PTPRT: variants seen among roughly 807,000 people sequenced by gnomAD.
The protein encoded by PTPRT is protein tyrosine phosphatase receptor type T.
PTPRT carries 56 observed loss-of-function variants against 176.8 expected under a neutral mutation model. The observed-to-expected ratio is 0.32, with a 90% CI of 0.26 to 0.40. The LOEUF is 0.40. Ranked by LOEUF, PTPRT falls within the 10% of genes least tolerant of loss-of-function variation. The pLI, the probability that PTPRT is intolerant of heterozygous loss-of-function variation, is 1.00. For synonymous variants in PTPRT, 783 were observed against 739.0 expected (o/e 1.06, Z -0.96); for missense variants, 1,540 against 1,908.2 (o/e 0.81, Z 3.60).
At chr20:42,513,939 T>C (rs981403909) in intron 7 of PTPRT, among the ~76,000 whole-genome samples, 1 of 152,172 alleles carries the variant, frequency 6.6e-6, no homozygotes, top group Non-Finnish European at 1.5e-5. Flanking sequence ...GTGGAATTCA[T>C]CCATTTTGAT....
chr20:42,932,000 G>C (rs1343789207), intron 1 of PTPRT, among the ~76,000 whole-genome samples: 1 of 152,218 alleles, frequency 6.6e-6, no homozygotes, highest in Non-Finnish European at 1.5e-5. Context: ...CACTATCTGA[G>C]GCCACAGCAG....
intron 7 of PTPRT, among the ~76,000 whole-genome samples, chr20:42,529,492 T>C (rs1471708922): frequency 2.0e-5 from 3 of 152,112 alleles, no homozygotes; most frequent in Admixed American, 2.0e-4. Context: ...GTCAATTTTA[T>C]TTTATTTTTT....
intron 14 of PTPRT, among the ~76,000 whole-genome samples, chr20:42,247,747 G>A (rs1176062296): frequency 6.6e-6 from 1 of 152,182 alleles, no homozygotes; most frequent in Admixed American, 6.5e-5. Flanking sequence ...GACTAAGGTT[G>A]GGGCCCTGGC....
intron 18 of PTPRT, among the ~76,000 whole-genome samples, chr20:42,140,445 G>C (rs951499110): frequency 7.2e-5 from 11 of 152,262 alleles, no homozygotes; most frequent in Admixed American, 2.0e-4. Flanking sequence ...CTGTACCTAC[G>C]AATATTTGGC....
intron 1 of PTPRT, among the ~76,000 whole-genome samples, chr20:43,073,626 C>G (rs1032114647): frequency 5.3e-5 from 8 of 150,936 alleles, no homozygotes; most frequent in African/African-American, 1.9e-4. Flanking sequence ...TGGTAAAAAC[C>G]ACAATTACTT....
At chr20:43,068,460 G>A (rs772654049) in intron 1 of PTPRT, among the ~76,000 whole-genome samples, 50 of 144,902 alleles carry the variant, frequency 3.5e-4, no homozygotes, top group African/African-American at 1.0e-3. Context: ...AGCCGAGACC[G>A]CGCCACTGCA....
At chr20:42,359,549 C>T (rs758046727) in intron 9 of PTPRT, among the ~76,000 whole-genome samples, 3 of 152,132 alleles carry the variant, frequency 2.0e-5, no homozygotes, top group East Asian at 3.9e-4. Flanking sequence ...TCTCAGCCAG[C>T]GGGAGGGAAG....
At chr20:42,945,874 C>T (rs779940097) in intron 1 of PTPRT, among the ~76,000 whole-genome samples, 1 of 152,124 alleles carries the variant, frequency 6.6e-6, no homozygotes, top group Non-Finnish European at 1.5e-5. Context: ...AGCAGTCACT[C>T]CAGTTCCCCT....
At chr20:42,070,210 T>C (rs1982265876), downstream of PTPRT, among the ~76,000 whole-genome samples, 1 of 151,926 alleles carries the variant, frequency 6.6e-6, no homozygotes, top group Non-Finnish European at 1.5e-5. Flanking sequence ...ACCTCATCCC[T>C]TGTCTCCAGG....
chr20:42,935,178 TG>T (rs1253299720), intron 1 of PTPRT, among the ~76,000 whole-genome samples: 325 of 90,676 alleles, frequency 3.6e-3, no homozygotes, highest in Non-Finnish European at 5.1e-3. Context: ...TTTTTTTTTT[TG>T]CCCAAGCTGG....
At chr20:42,175,275 C>T (rs1396005681) in intron 16 of PTPRT, among the ~76,000 whole-genome samples, 1 of 152,136 alleles carries the variant, frequency 6.6e-6, no homozygotes, top group Non-Finnish European at 1.5e-5. Context: ...ATCTCATTTG[C>T]CTCATCTTGT....
intron 11 of PTPRT, among the ~76,000 whole-genome samples, chr20:42,326,774 A>G (rs1378430489): frequency 2.6e-5 from 4 of 152,206 alleles, no homozygotes; most frequent in Non-Finnish European, 5.9e-5. Flanking sequence ...AAAGCATCAT[A>G]TATTGTAAAA....
At chr20:42,566,166 C>T (rs1321754562) in intron 7 of PTPRT, among the ~76,000 whole-genome samples, 4 of 152,044 alleles carry the variant, frequency 2.6e-5, no homozygotes, top group African/African-American at 9.7e-5. Flanking sequence ...GACAGAGTCT[C>T]ACTCTGTCAC....
chr20:42,248,152 A>G (rs1208006295), intron 14 of PTPRT, among the ~76,000 whole-genome samples: 2 of 152,148 alleles, frequency 1.3e-5, no homozygotes, highest in African/African-American at 4.8e-5. Flanking sequence ...GTGGGACAGG[A>G]CATAGTACAG....
At chr20:42,290,356 C>T (rs542681353) in intron 12 of PTPRT, among the ~76,000 whole-genome samples, 4 of 152,128 alleles carry the variant, frequency 2.6e-5, no homozygotes, top group African/African-American at 4.8e-5. Context: ...GGTAGAACAC[C>T]GTGTCCTTAC....
chr20:42,485,142 C>T (rs932746175), intron 7 of PTPRT, among the ~76,000 whole-genome samples: 1 of 152,066 alleles, frequency 6.6e-6, no homozygotes, highest in Non-Finnish European at 1.5e-5. Context: ...TAGAGGAAAT[C>T]GGGTTGGGAA....
At chr20:42,063,003 G>T in the PTPRT span, among the ~76,000 whole-genome samples, 2 of 152,268 alleles carry the variant, frequency 1.3e-5, no homozygotes, top group African/African-American at 2.4e-5. Flanking sequence ...TCTGTTTGGG[G>T]TTATAAAGGC....
intron 15 of PTPRT, among the ~76,000 whole-genome samples, chr20:42,204,184 G>A (rs149459272): frequency 4.6e-5 from 7 of 152,212 alleles, no homozygotes; most frequent in East Asian, 1.9e-4. Context: ...TATTTTGGGC[G>A]GTAACTTAGC....
At chr20:42,530,827 G>A (rs1280597608) in intron 7 of PTPRT, among the ~76,000 whole-genome samples, 1 of 152,188 alleles carries the variant, frequency 6.6e-6, no homozygotes, top group African/African-American at 2.4e-5. Flanking sequence ...GGGTGGGATA[G>A]TGGCCAAGTA....
Sources: gnomAD v4.1 joint callset for allele counts (sites outside exome capture counted in the v4.1 genomes callset) on GRCh38, gnomAD v4.1.1 for gene constraint, MANE v1.5 for transcripts, NCBI Gene and HGNC (gene_info 2026-07-23, HGNC 2026-07-21) for gene names.